Variants in SCLT1 observed in about 807,000 individuals in gnomAD.
SCLT1 encodes sodium channel and clathrin linker 1, also known as sodium channel-associated protein 1.
In SCLT1, 78 loss-of-function variants were observed where a neutral mutation model predicts 112.8. The observed-to-expected ratio is 0.69, with a 90% CI of 0.58 to 0.83. The LOEUF (loss-of-function observed/expected upper bound fraction) is 0.83, where lower values mean the gene tolerates loss of function less well. SCLT1 is among the 40% of genes least tolerant of loss of function. The pLI is 0.00. For missense variants in SCLT1, 747 were observed against 770.4 expected (o/e 0.97, Z 0.36); for synonymous variants, 257 against 254.7 (o/e 1.01, Z -0.09).
chr4:128,966,182 C>T (rs1740175112), intron 10 of SCLT1, among the ~76,000 whole-genome samples: 1 of 148,504 alleles, frequency 6.7e-6, no homozygotes, highest in African/African-American at 2.5e-5. Flanking sequence ...CTAGGCTGCA[C>T]TCAAACTCCT....
intron 18 of SCLT1, among the ~76,000 whole-genome samples, chr4:128,897,913 A>C (rs933995024): frequency 3.3e-5 from 5 of 152,220 alleles, no homozygotes; most frequent in Non-Finnish European, 7.3e-5. Flanking sequence ...ACAAAGATCA[A>C]AAGAGACAAA....
rs572570899 is a variant in SCLT1, at chr4:128,948,875, T to C, written c.1219-305A>G. On this transcript the variant is annotated intron_variant, in intron 14 of 20. Transcript: ENST00000281142. Reference sequence around the variant, plus strand: ...TATAGATTTTCTTTTCATATACTCTTATCAAGTATTTTGAAAAGGGAACAT... The same window carrying C: ...TATAGATTTTCTTTTCATATACTCTCATCAAGTATTTTGAAAAGGGAACAT... 2.6e-5 allele frequency among the ~76,000 whole-genome samples: 4 copies of C among 152,264 alleles called. No homozygotes were observed. The South Asian group carries it at 8.3e-4, about 32-fold the overall frequency.
chr4:128,883,591 A>T (rs184121827), downstream of SCLT1, among the ~76,000 whole-genome samples: 29 of 152,320 alleles, frequency 1.9e-4, 1 homozygote, highest in East Asian at 5.4e-3. Context: ...GACTATCTTA[A>T]CTGTTAGCAC....
Position 128,969,788 on chromosome 4 carries a change from G to A in SCLT1, c.777+590C>T, listed in dbSNP as rs576142567. Among the ~76,000 whole-genome samples the A allele has an allele frequency of 7.2e-5, 11 of 152,160 alleles. No homozygotes were observed. In the South Asian group the frequency reaches 2.3e-3, roughly 32 times the overall value. ...TCTGGTGTTTTAAAAATTTATCCAA[G>A]TTTTAAAATTGTTACCTATGGGAGG... On this transcript the variant is annotated intron_variant, in intron 10 of 20. Transcript: ENST00000281142.
chr4:129,066,245 T>C (rs181646115), intron 2 of SCLT1, among the ~76,000 whole-genome samples: 5 of 152,160 alleles, frequency 3.3e-5, no homozygotes, highest in Admixed American at 2.6e-4. Flanking sequence ...AAGTTTACTA[T>C]GTTTTAATGA....
chr4:128,928,643 C>A (rs1736495697), intron 18 of SCLT1, among the ~76,000 whole-genome samples: 2 of 152,102 alleles, frequency 1.3e-5, no homozygotes, highest in African/African-American at 4.8e-5. Context: ...ACCAGCCTGA[C>A]TAACATGGTG....
At chr4:128,948,694 G>C (rs1371088665) in intron 14 of SCLT1, 124 bp from the exon 15 acceptor site, 5 of 678,158 alleles carry the variant, frequency 7.4e-6, no homozygotes, top group Non-Finnish European at 9.4e-6. Context: ...AGGTTATATT[G>C]ATTAAAAACA....
chr4:128,904,788 T>C (rs1313439628), intron 18 of SCLT1, among the ~76,000 whole-genome samples: 1 of 152,200 alleles, frequency 6.6e-6, no homozygotes, highest in African/African-American at 2.4e-5. Context: ...AATGCAAAGA[T>C]TGTAATCTCA....
chr4:129,035,561 T>C (rs1176988717), intron 5 of SCLT1, among the ~76,000 whole-genome samples: 1 of 152,154 alleles, frequency 6.6e-6, no homozygotes. Context: ...ACAGCTCTTG[T>C]ACTGGCAACA....
chr4:129,006,131 C>T (rs147760396), intron 5 of SCLT1, among the ~76,000 whole-genome samples: 30,077 of 151,448 alleles, frequency 0.2, 3,595 homozygotes, highest in East Asian at 0.31. Flanking sequence ...CTAACCTGCA[C>T]ATTGTGCACA....
chr4:128,937,055 G>A (rs1455484510), intron 17 of SCLT1, among the ~76,000 whole-genome samples: 1 of 152,044 alleles, frequency 6.6e-6, no homozygotes, highest in African/African-American at 2.4e-5. Context: ...AAGGTGGGCA[G>A]ATCACGAGGT....
In SCLT1 at chr4:128,985,454, T is replaced by C. The variant is rs1742009298; in HGVS notation, c.686+6713A>G. The stretch of plus-strand genomic sequence containing the variant: ...TGAGTGTGAAGTAGTATCATGTTTT[T>C]ACTTGCATTTTCCTGATTGCTGTAA... On this transcript the variant is annotated intron_variant, in intron 9 of 20. Coordinates refer to ENST00000281142, the MANE Select transcript of SCLT1 (RefSeq NM_144643.4). 1.3e-5 allele frequency among the ~76,000 whole-genome samples: 2 copies of C among 152,210 alleles called. 1 individual carries two copies. The highest frequency in any genetic ancestry group is 4.8e-5 in the African/African-American group (2 of 41,458).
chr4:129,041,380 T>C lies in SCLT1; in HGVS notation c.234+2015A>G, dbSNP rs114602923. ...TGGGTCTAAAGGACAACTTTGTTTATGTATTTGAGAAATAACCTTGGAAAT... is the reference window on the plus strand; with the variant it reads ...TGGGTCTAAAGGACAACTTTGTTTACGTATTTGAGAAATAACCTTGGAAAT... On this transcript the variant is annotated intron_variant, in intron 4 of 20. Coordinates refer to ENST00000281142, the MANE Select transcript of SCLT1 (RefSeq NM_144643.4). Among the ~76,000 whole-genome samples, 464 of 152,352 alleles carry C rather than the reference T, an allele frequency of 3.0e-3. 1 individual carries two copies. The highest frequency in any genetic ancestry group is 0.011 in the African/African-American group (444 of 41,582).
chr4:129,070,569 A>G (rs1750913353), intron 2 of SCLT1, among the ~76,000 whole-genome samples: 2 of 152,166 alleles, frequency 1.3e-5, no homozygotes, highest in Admixed American at 6.5e-5. Context: ...GTAGACTTAA[A>G]TGATCTTTTG....
chr4:128,977,937 G>C (rs1004359380), intron 9 of SCLT1, among the ~76,000 whole-genome samples: 1 of 152,106 alleles, frequency 6.6e-6, no homozygotes, highest in Non-Finnish European at 1.5e-5. Context: ...CAGAGAAAAG[G>C]GTACTGCAAA....
At chr4:128,966,171 C>T (rs1262552862) in intron 10 of SCLT1, among the ~76,000 whole-genome samples, 2 of 147,858 alleles carry the variant, frequency 1.4e-5, no homozygotes, top group Non-Finnish European at 3.0e-5. Flanking sequence ...TGTTATGTTA[C>T]CTAGGCTGCA....
intron 5 of SCLT1, among the ~76,000 whole-genome samples, chr4:129,038,507 T>C (rs1187513438): frequency 6.6e-6 from 1 of 152,002 alleles, no homozygotes; most frequent in Non-Finnish European, 1.5e-5. Flanking sequence ...GAGATACACA[T>C]ACCTATAAAA....
At chr4:129,013,276 T>C (rs966466537) in intron 5 of SCLT1, among the ~76,000 whole-genome samples, 12 of 151,986 alleles carry the variant, frequency 7.9e-5, no homozygotes, top group African/African-American at 2.9e-4. Context: ...TTTGCTAAGG[T>C]TGTGCCTTTT....
chr4:129,073,061 T>C (rs756557076), intron 2 of SCLT1, among the ~76,000 whole-genome samples: 5 of 152,204 alleles, frequency 3.3e-5, no homozygotes, highest in Non-Finnish European at 7.3e-5. Flanking sequence ...TCTGTAGTGA[T>C]TGCTATCTCT....
Sources: gnomAD v4.1 joint callset for allele counts (sites outside exome capture counted in the v4.1 genomes callset) on GRCh38, gnomAD v4.1.1 for gene constraint, MANE v1.5 for transcripts, NCBI Gene and HGNC (gene_info 2026-07-23, HGNC 2026-07-21) for gene names.